Variants in ERBB4 observed in about 807,000 individuals in gnomAD.
ERBB4 encodes the protein erb-b2 receptor tyrosine kinase 4.
In ERBB4, 42 loss-of-function variants were observed where a neutral mutation model predicts 158.0. That is an observed-to-expected ratio of 0.27 (90% CI 0.21 to 0.34). The LOEUF (loss-of-function observed/expected upper bound fraction) is 0.34, where lower values mean the gene tolerates loss of function less well. ERBB4 is among the 10% of genes least tolerant of loss of function. ERBB4 has a pLI of 1.00. For synonymous variants in ERBB4, 583 were observed against 558.7 expected (o/e 1.04, Z -0.61); for missense variants, 1,333 against 1,624.1 (o/e 0.82, Z 3.08).
chr2:212,345,771 G>A (rs1354824552), intron 1 of ERBB4, among the ~76,000 whole-genome samples: 1 of 152,036 alleles, frequency 6.6e-6, no homozygotes, highest in Non-Finnish European at 1.5e-5. Context: ...ATCATTATAT[G>A]TAAATTTAAA....
intron 16 of ERBB4, among the ~76,000 whole-genome samples, chr2:211,654,074 ATAT>A (rs1419692618): frequency 5.3e-5 from 8 of 152,206 alleles, no homozygotes; most frequent in Admixed American, 2.6e-4. Flanking sequence ...ACATTTAAAA[ATAT>A]TATTAAATTA....
At chr2:211,428,226 A>G (rs1288102674) in intron 22 of ERBB4, among the ~76,000 whole-genome samples, 182 bp downstream of exon 22, 1 of 144,934 alleles carries the variant, frequency 6.9e-6, no homozygotes, top group Non-Finnish European at 1.5e-5. Context: ...ATAAAATAAA[A>G]TAAAATAAAA....
At chr2:212,352,496 C>A (rs1394789) in intron 1 of ERBB4, among the ~76,000 whole-genome samples, 98,909 of 151,966 alleles carry the variant, frequency 0.65, 32,749 homozygotes, top group East Asian at 0.79. Flanking sequence ...TTTAAAAAAT[C>A]TTAATGTTTG....
intron 20 of ERBB4, among the ~76,000 whole-genome samples, chr2:211,511,304 T>C (rs776906906): frequency 2.0e-5 from 3 of 152,070 alleles, no homozygotes; most frequent in Non-Finnish European, 2.9e-5. Context: ...AAGCTAATTA[T>C]AGGTAATGTG....
intron 19 of ERBB4, among the ~76,000 whole-genome samples, chr2:211,596,893 TA>T (rs2068649446): frequency 6.6e-6 from 1 of 152,146 alleles, no homozygotes; most frequent in Non-Finnish European, 1.5e-5. Context: ...GCCTTCTAAG[TA>T]GCTGGAATTA....
chr2:212,098,830 G>T (rs571353903), intron 2 of ERBB4, among the ~76,000 whole-genome samples: 1 of 152,080 alleles, frequency 6.6e-6, no homozygotes, highest in Non-Finnish European at 1.5e-5. Context: ...CCTATAAATA[G>T]TTCAAATGTA....
At chr2:211,832,159 T>C (rs754946859) in intron 3 of ERBB4, among the ~76,000 whole-genome samples, 2 of 152,150 alleles carry the variant, frequency 1.3e-5, no homozygotes, top group Non-Finnish European at 2.9e-5. Flanking sequence ...TGTCACAGCA[T>C]TCAAATTAGT....
chr2:211,529,090 T>G, intron 20 of ERBB4, among the ~76,000 whole-genome samples: 1 of 143,148 alleles, frequency 7.0e-6, no homozygotes, highest in East Asian at 2.1e-4. Context: ...TAAACAAAAT[T>G]GAAAAACCAT....
intron 1 of ERBB4, among the ~76,000 whole-genome samples, chr2:212,480,435 TTGGATA>T (rs1689634239): frequency 1.3e-5 from 2 of 152,202 alleles, no homozygotes; most frequent in Admixed American, 1.3e-4. Context: ...GATGGAGATT[TTGGATA>T]CTGTTTAAAG....
chr2:212,314,240 G>T (rs2087170805), intron 1 of ERBB4, among the ~76,000 whole-genome samples: 1 of 150,890 alleles, frequency 6.6e-6, no homozygotes, highest in Non-Finnish European at 1.5e-5. Flanking sequence ...AAGTTTGTAT[G>T]AGTACATAGT....
intron 3 of ERBB4, among the ~76,000 whole-genome samples, chr2:211,806,085 A>C (rs1346131301): frequency 5.9e-5 from 9 of 152,144 alleles, no homozygotes; most frequent in Non-Finnish European, 1.0e-4. Flanking sequence ...CCTTAAGTTT[A>C]ATCGAGCCAA....
intron 2 of ERBB4, among the ~76,000 whole-genome samples, chr2:212,028,329 T>A (rs553659095): frequency 3.9e-5 from 6 of 152,218 alleles, no homozygotes; most frequent in Non-Finnish European, 5.9e-5. Context: ...CACTATATTT[T>A]AAAAAAATCA....
intron 2 of ERBB4, among the ~76,000 whole-genome samples, chr2:211,975,736 A>G (rs2081588199): frequency 6.6e-6 from 1 of 152,148 alleles, no homozygotes; most frequent in African/African-American, 2.4e-5. Flanking sequence ...CAATTTTTCA[A>G]TATGTCATTA....
chr2:212,188,514 G>A (rs6755027), intron 1 of ERBB4, among the ~76,000 whole-genome samples: 66,267 of 151,278 alleles, frequency 0.44, 16,396 homozygotes, highest in East Asian at 0.76. Context: ...GCTAATGATG[G>A]CAGTCTCCTA....
chr2:211,566,829 TC>T (rs2067563908), intron 19 of ERBB4, among the ~76,000 whole-genome samples: 1 of 152,186 alleles, frequency 6.6e-6, no homozygotes, highest in Admixed American at 6.5e-5. Context: ...TTATGTTATT[TC>T]TTTTTTGGTG....
intron 3 of ERBB4, among the ~76,000 whole-genome samples, chr2:211,913,618 T>TGTGTGTG (rs2079598064): frequency 9.7e-6 from 1 of 102,770 alleles, no homozygotes; most frequent in Non-Finnish European, 2.0e-5. Context: ...TATATATATA[T>TGTGTGTG]ATGTGTGTGT....
chr2:212,308,733 G>C (rs1347415726), intron 1 of ERBB4, among the ~76,000 whole-genome samples: 2 of 150,952 alleles, frequency 1.3e-5, no homozygotes, highest in Non-Finnish European at 3.0e-5. Context: ...ACCCAGGCAT[G>C]TATTTCCTTG....
intron 4 of ERBB4, among the ~76,000 whole-genome samples, chr2:211,755,399 G>A (rs2075267657): frequency 6.6e-6 from 1 of 152,174 alleles, no homozygotes. Context: ...CTACTCTGGA[G>A]GTTGAGGTGG....
intron 1 of ERBB4, among the ~76,000 whole-genome samples, chr2:212,191,997 TGTTATATATAA>T (rs1265689086): frequency 1.9e-5 from 2 of 106,034 alleles, no homozygotes; most frequent in African/African-American, 7.4e-5. Context: ...ATGTTATATA[TGTTATATATAA>T]TATATGTTAT....
Sources: gnomAD v4.1 joint callset for allele counts (sites outside exome capture counted in the v4.1 genomes callset) on GRCh38, gnomAD v4.1.1 for gene constraint, MANE v1.5 for transcripts, NCBI Gene and HGNC (gene_info 2026-07-23, HGNC 2026-07-21) for gene names.